The following TNNI3K variants were observed in gnomAD, a reference collection of about 807,000 sequenced individuals.
TNNI3K encodes the protein serine/threonine-protein kinase TNNI3K.
TNNI3K carries 140 observed loss-of-function variants against 114.5 expected under a neutral mutation model. The ratio of observed to expected loss-of-function variants is 1.22; its 90% CI spans 1.07 to 1.41. The LOEUF is 1.41. TNNI3K is among the 40% of genes most tolerant of loss of function. TNNI3K has a pLI of 0.00. For synonymous variants in TNNI3K, 347 were observed against 347.5 expected (o/e 1.00, Z 0.02); for missense variants, 1,125 against 1,007.6 (o/e 1.12, Z -1.58).
intron 23 of TNNI3K, among the ~76,000 whole-genome samples, chr1:74,528,178 TAAG>T (rs1646531915): frequency 6.6e-6 from 1 of 152,090 alleles, no homozygotes; most frequent in South Asian, 2.1e-4. Flanking sequence ...CCATGCAGGC[TAAG>T]AAGGACATGG....
intron 23 of TNNI3K, among the ~76,000 whole-genome samples, chr1:74,494,294 A>G (rs1323516505): frequency 6.6e-6 from 1 of 152,122 alleles, no homozygotes; most frequent in Non-Finnish European, 1.5e-5. Context: ...ACAAATTGCA[A>G]TTGTTGCTTT....
At chr1:74,468,592 T>A (rs1667775900) in intron 21 of TNNI3K, 1 of 152,100 alleles carries the variant, frequency 6.6e-6, no homozygotes, top group Non-Finnish European at 1.5e-5. Flanking sequence ...CTTAAGTTAT[T>A]TCCTAGCAAC....
In TNNI3K at chr1:74,513,210, G is replaced by A. The variant is rs1270504977; in HGVS notation, c.2351+20944G>A. 5.9e-5 allele frequency among the ~76,000 whole-genome samples: 9 copies of A among 152,144 alleles called. No individual in the cohort carries two copies. The East Asian group carries it at 9.6e-4, about 16-fold the overall frequency. On this transcript the variant is annotated intron_variant, in intron 23 of 24. Transcript: ENST00000326637. ...GAGAAAGAGTCCGAATGACCCAGAG[G>A]TCCACGTGTGCTTTCCTAGTTCGTT...
At chr1:74,508,906 C>T (rs1670043745) in intron 23 of TNNI3K, among the ~76,000 whole-genome samples, 1 of 152,128 alleles carries the variant, frequency 6.6e-6, no homozygotes. Context: ...ACAGGGTCTG[C>T]AGAAAATTCA....
At chr1:74,413,871 T>C (rs699845) in intron 17 of TNNI3K, among the ~76,000 whole-genome samples, 140,568 of 152,234 alleles carry the variant, frequency 0.92, 64,900 homozygotes, top group East Asian at 0.97. Flanking sequence ...GTTCTTTTAA[T>C]GGTGTGATTG....
intron 20 of TNNI3K, among the ~76,000 whole-genome samples, chr1:74,443,894 A>G (rs1405264051): frequency 6.6e-6 from 1 of 152,186 alleles, no homozygotes; most frequent in Non-Finnish European, 1.5e-5. Flanking sequence ...CATAAACAGA[A>G]CTAAAGACAG....
intron 9 of TNNI3K, among the ~76,000 whole-genome samples, chr1:74,345,715 G>C (rs1351639704): frequency 6.6e-6 from 1 of 152,120 alleles, no homozygotes; most frequent in East Asian, 1.9e-4. Context: ...TTCATGACTT[G>C]AATGTAGAGT....
intron 17 of TNNI3K, among the ~76,000 whole-genome samples, chr1:74,403,244 G>A (rs1664458703): frequency 6.6e-6 from 1 of 151,962 alleles, no homozygotes; most frequent in Non-Finnish European, 1.5e-5. Flanking sequence ...GTATTTAGCT[G>A]TTTTCGAACC....
intron 17 of TNNI3K, among the ~76,000 whole-genome samples, chr1:74,424,348 CTG>C (rs1219686423): frequency 6.6e-6 from 1 of 151,980 alleles, no homozygotes; most frequent in South Asian, 2.1e-4. Flanking sequence ...CAAAATGAGA[CTG>C]TAGTGGATTG....
intron 22 of TNNI3K, 38 bp downstream of exon 22, chr1:74,489,286 G>A (rs1393809050): frequency 1.1e-5 from 17 of 1,593,332 alleles, no homozygotes; most frequent in Non-Finnish European, 1.4e-5. Context: ...CCATAAAAAA[G>A]CCCTGCATAT....
At chr1:74,364,088 C>G (rs891291741) in intron 11 of TNNI3K, among the ~76,000 whole-genome samples, 8 of 150,310 alleles carry the variant, frequency 5.3e-5, no homozygotes, top group Non-Finnish European at 1.2e-4. Context: ...CAATCTTAAA[C>G]TCCTGGGTTC....
At chr1:74,496,893 C>A (rs947172381) in intron 23 of TNNI3K, among the ~76,000 whole-genome samples, 1 of 152,106 alleles carries the variant, frequency 6.6e-6, no homozygotes, top group South Asian at 2.1e-4. Context: ...TGATACACAA[C>A]CTTTCAGATG....
chr1:74,358,455 A>T (rs1290161287), intron 11 of TNNI3K, among the ~76,000 whole-genome samples: 1 of 152,134 alleles, frequency 6.6e-6, no homozygotes, highest in East Asian at 1.9e-4. Flanking sequence ...TCTGAAAGTA[A>T]TGAAATCTTA....
intron 23 of TNNI3K, among the ~76,000 whole-genome samples, chr1:74,521,533 C>T (rs1292405690): frequency 6.6e-6 from 1 of 151,916 alleles, no homozygotes; most frequent in Non-Finnish European, 1.5e-5. Flanking sequence ...TATATATACA[C>T]CTATATATAC....
intron 5 of TNNI3K, among the ~76,000 whole-genome samples, chr1:74,274,258 A>G (rs1557466820): frequency 6.6e-6 from 1 of 151,996 alleles, no homozygotes. Flanking sequence ...AAAGGTCTTC[A>G]TCACCATTGC....
chr1:74,291,506 G>A (rs897147112), intron 5 of TNNI3K, among the ~76,000 whole-genome samples: 7 of 151,418 alleles, frequency 4.6e-5, no homozygotes, highest in Admixed American at 2.0e-4. Flanking sequence ...ATCATTATTC[G>A]TTTCATTTTA....
chr1:74,393,552 T>C (rs1663909275), intron 17 of TNNI3K, among the ~76,000 whole-genome samples: 1 of 152,194 alleles, frequency 6.6e-6, no homozygotes, highest in South Asian at 2.1e-4. Context: ...TTGTGCTATG[T>C]CTAAACACAC....
In TNNI3K at chr1:74,496,753, G is replaced by A. The variant is rs78879635; in HGVS notation, c.2351+4487G>A. 3.8e-3 allele frequency among the ~76,000 whole-genome samples: 577 copies of A among 152,176 alleles called. 18 individuals carry two copies. In the East Asian group the frequency reaches 0.078, roughly 21 times the overall value. Reference sequence around the variant, plus strand: ...TTGAGAAAGGCACTCTTGAAGTTCTGCCTCTTTTAAAATATTTTGTGCCTC... The same window carrying A: ...TTGAGAAAGGCACTCTTGAAGTTCTACCTCTTTTAAAATATTTTGTGCCTC... On this transcript the variant is annotated intron_variant, in intron 23 of 24. Transcript: ENST00000326637.
chr1:74,501,969 A>AT (rs1227579861), intron 23 of TNNI3K, among the ~76,000 whole-genome samples: 2 of 151,996 alleles, frequency 1.3e-5, no homozygotes, highest in Non-Finnish European at 2.9e-5. Flanking sequence ...TGTAGAGTGA[A>AT]TTTTATTTTT....
Sources: allele counts gnomAD v4.1 joint callset (sites outside exome capture counted in the v4.1 genomes callset), GRCh38; gene constraint gnomAD v4.1.1; transcripts MANE v1.5; gene names NCBI Gene and HGNC (gene_info 2026-07-23, HGNC 2026-07-21).